The following PPP2R2C variants were observed in gnomAD, a reference collection of about 807,000 sequenced individuals.
The protein encoded by PPP2R2C is protein phosphatase 2 regulatory subunit Bgamma, also known as protein phosphatase 2, regulatory subunit B, gamma.
A neutral mutation model predicts 45.3 loss-of-function variants in PPP2R2C; 10 were observed. That is an observed-to-expected ratio of 0.22 (90% CI 0.14 to 0.37). The LOEUF is 0.37. PPP2R2C is among the 10% of genes least tolerant of loss of function. The pLI is 1.00. For synonymous variants in PPP2R2C, 257 were observed against 245.4 expected (o/e 1.05, Z -0.44); for missense variants, 308 against 619.7 (o/e 0.50, Z 5.34).
chr4:6,428,899 G>A (rs1258631303), intron 1 of PPP2R2C, among the ~76,000 whole-genome samples: 2 of 152,214 alleles, frequency 1.3e-5, no homozygotes, highest in African/African-American at 4.8e-5. Flanking sequence ...CTGACTCCTG[G>A]TCCTGCAAGG....
At chr4:6,456,850 G>A (rs1721067566) in intron 1 of PPP2R2C, among the ~76,000 whole-genome samples, 1 of 152,250 alleles carries the variant, frequency 6.6e-6, no homozygotes, top group South Asian at 2.1e-4. Flanking sequence ...CCCATGCGGT[G>A]ACCACTCTGA....
chr4:6,361,498 A>C (rs1003860613), intron 5 of PPP2R2C, among the ~76,000 whole-genome samples: 2 of 152,234 alleles, frequency 1.3e-5, no homozygotes, highest in Non-Finnish European at 2.9e-5. Flanking sequence ...GAATGGGTTG[A>C]TAACTTCTGC....
intron 1 of PPP2R2C, among the ~76,000 whole-genome samples, chr4:6,559,467 T>C (rs1298091873): frequency 6.6e-6 from 1 of 151,848 alleles, no homozygotes; most frequent in Non-Finnish European, 1.5e-5. Context: ...CACCCAGGGC[T>C]GCAAATTTGC....
chr4:6,381,436 T>A, intron 1 of PPP2R2C: 1 of 1,390,268 alleles, frequency 7.2e-7, no homozygotes. Context: ...CATCCTCCTG[T>A]CTTGAATCTC....
intron 1 of PPP2R2C, among the ~76,000 whole-genome samples, chr4:6,469,002 C>T (rs1267857410): frequency 1.4e-5 from 2 of 147,432 alleles, no homozygotes; most frequent in African/African-American, 5.2e-5. Context: ...AGGTGGCCTG[C>T]AGGTACACCT....
chr4:6,357,902 C>A (rs1339549757), intron 5 of PPP2R2C, among the ~76,000 whole-genome samples: 2 of 152,178 alleles, frequency 1.3e-5, no homozygotes, highest in African/African-American at 4.8e-5. Flanking sequence ...GTATAGTCCT[C>A]GGGCATGCAG....
At chr4:6,380,243 G>A (rs555216201) in intron 2 of PPP2R2C, 2 of 151,378 alleles carry the variant, frequency 1.3e-5, no homozygotes, top group African/African-American at 4.9e-5. Context: ...GGCCCTCGGA[G>A]GTGAGCAGTG....
intron 1 of PPP2R2C, among the ~76,000 whole-genome samples, chr4:6,562,273 G>A (rs766694978): frequency 9.9e-5 from 15 of 152,160 alleles, no homozygotes; most frequent in Admixed American, 5.2e-4. Context: ...GCCACAGCCC[G>A]TCCCCTCCAT....
At chr4:6,522,020 A>G (rs1215008063) in intron 2 of PPP2R2C, among the ~76,000 whole-genome samples, 2 of 152,112 alleles carry the variant, frequency 1.3e-5, no homozygotes, top group Non-Finnish European at 2.9e-5. Flanking sequence ...AGTGGGGGCC[A>G]CTGAGCTCTG....
At chr4:6,358,622 T>C (rs1402082354) in intron 5 of PPP2R2C, among the ~76,000 whole-genome samples, 1 of 137,268 alleles carries the variant, frequency 7.3e-6, no homozygotes, top group Non-Finnish European at 1.6e-5. Context: ...ATCCAGAATC[T>C]ACAAAGAACT....
intron 1 of PPP2R2C, among the ~76,000 whole-genome samples, chr4:6,540,528 A>G (rs1724774477): frequency 6.6e-6 from 1 of 152,244 alleles, no homozygotes; most frequent in Admixed American, 6.5e-5. Context: ...TAGTGCCACT[A>G]TGAACATTCA....
At chr4:6,489,253 T>G (rs763504348) in intron 2 of PPP2R2C, among the ~76,000 whole-genome samples, 1 of 152,252 alleles carries the variant, frequency 6.6e-6, no homozygotes, top group Non-Finnish European at 1.5e-5. Flanking sequence ...TCCAATTGCT[T>G]GAAAATCCCT....
intron 5 of PPP2R2C, among the ~76,000 whole-genome samples, chr4:6,372,162 C>G (rs1221251370): frequency 6.6e-6 from 1 of 152,182 alleles, no homozygotes; most frequent in Non-Finnish European, 1.5e-5. Context: ...GGGAGGGCCC[C>G]GAGGCGCCTT....
At chr4:6,537,676 G>A (rs376117869) in intron 1 of PPP2R2C, among the ~76,000 whole-genome samples, 4 of 150,436 alleles carry the variant, frequency 2.7e-5, no homozygotes, top group South Asian at 2.1e-4. Flanking sequence ...TCAGCCTTCC[G>A]AGTAGCTGGA....
chr4:6,348,927 T>C, intron 5 of PPP2R2C: 1 of 875,292 alleles, frequency 1.1e-6, no homozygotes, highest in African/African-American at 1.8e-5. Flanking sequence ...TATCCCTGAC[T>C]GTTACACTAG....
chr4:6,429,048 T>C (rs1719478826), intron 1 of PPP2R2C, among the ~76,000 whole-genome samples: 1 of 152,208 alleles, frequency 6.6e-6, no homozygotes, highest in African/African-American at 2.4e-5. Flanking sequence ...ACTCTGCACC[T>C]CTGCCATTAT....
At chr4:6,453,050 C>T (rs192391934) in intron 1 of PPP2R2C, among the ~76,000 whole-genome samples, 1 of 152,208 alleles carries the variant, frequency 6.6e-6, no homozygotes, top group African/African-American at 2.4e-5. Flanking sequence ...AGGATGGATG[C>T]GTGTGGCTCC....
chr4:6,417,001 C>A (rs554672813), intron 1 of PPP2R2C, among the ~76,000 whole-genome samples: 1 of 152,328 alleles, frequency 6.6e-6, no homozygotes, highest in Non-Finnish European at 1.5e-5. Flanking sequence ...TCCACTACCC[C>A]CTGCTCCCTC....
intron 5 of PPP2R2C, among the ~76,000 whole-genome samples, chr4:6,355,215 G>GTGAATC (rs397694430): frequency 6.6e-6 from 1 of 151,964 alleles, no homozygotes; most frequent in Non-Finnish European, 1.5e-5. Flanking sequence ...CTGAATGAAT[G>GTGAATC]AATCAGCCCA....
Sources: allele counts gnomAD v4.1 joint callset (sites outside exome capture counted in the v4.1 genomes callset), GRCh38; gene constraint gnomAD v4.1.1; transcripts MANE v1.5; gene names NCBI Gene and HGNC (gene_info 2026-07-23, HGNC 2026-07-21).